The following ZNF254 variants were observed in gnomAD, a reference collection of about 807,000 sequenced individuals.
The protein encoded by ZNF254 is CTD-2017D11.1.
Under a neutral mutation model 12.4 loss-of-function variants are expected in ZNF254, and 10 were observed. That is an observed-to-expected ratio of 0.80 (90% CI 0.50 to 1.36). The LOEUF is 1.36. Ranked by LOEUF, ZNF254 falls within the 40% of genes most tolerant of loss-of-function variation. The pLI, the probability that ZNF254 is intolerant of heterozygous loss-of-function variation, is 0.00. For synonymous variants in ZNF254, 305 were observed against 253.4 expected, an observed-to-expected ratio of 1.20 and a Z score of -1.93; for missense variants, 996 against 763.9, an observed-to-expected ratio of 1.30 and a Z score of -3.58.
intron 2 of ZNF254, among the ~76,000 whole-genome samples, chr19:24,057,312 A>G (rs1970895443): frequency 6.6e-6 from 1 of 152,222 alleles, no homozygotes; most frequent in South Asian, 2.1e-4. Context: ...GTCATATGTG[A>G]ACATCAGGCA....
chr19:24,061,901 T>C (rs1429573389), intron 2 of ZNF254, among the ~76,000 whole-genome samples: 1 of 151,596 alleles, frequency 6.6e-6, no homozygotes, highest in African/African-American at 2.4e-5. Context: ...CTGACCAACA[T>C]GGAAAAACCC....
intron 3 of ZNF254, among the ~76,000 whole-genome samples, chr19:24,124,367 A>G (rs1974688199): frequency 6.6e-6 from 1 of 152,154 alleles, no homozygotes; most frequent in African/African-American, 2.4e-5. Flanking sequence ...AGAATAATTA[A>G]AAATGTTTTC....
intron 2 of ZNF254, among the ~76,000 whole-genome samples, chr19:24,070,318 C>T (rs1243130551): frequency 2.0e-5 from 3 of 152,176 alleles, no homozygotes; most frequent in Admixed American, 6.5e-5. Flanking sequence ...ACACAGGTGA[C>T]ATTGTGATGC....
At position 24,126,980 on chromosome 19, in the gene ZNF254, G is replaced by T. The variant is rs753456700; in HGVS notation, c.980G>T (p.Cys327Phe). ...AAGAAACCCTACAAGTGTGAAGAATGTGGCAAAGCATTTATATGGTCCTCA... is the reference window on the plus strand; with the variant it reads ...AAGAAACCCTACAAGTGTGAAGAATTTGGCAAAGCATTTATATGGTCCTCA... The part of the protein sequence containing the change: ...TRKKPYKCEE[C>F]GKAFIWSSTL... Residue 327 changes from cysteine to phenylalanine, a missense_variant, in exon 4 of 4, where the codon TGT becomes TTT. Physicochemically the swap from Cys to Phe is radical, Grantham distance 205. Transcript: ENST00000357002. The T allele has an allele frequency of 1.2e-6, 2 of 1,613,692 alleles. No individual in the cohort carries two copies. Among genetic ancestry groups the T allele is most frequent in the Non-Finnish European group, 1.7e-6 (2 of 1,179,804 alleles).
At chr19:24,115,128 G>A (rs1973952714) in intron 3 of ZNF254, among the ~76,000 whole-genome samples, 1 of 152,088 alleles carries the variant, frequency 6.6e-6, no homozygotes, top group African/African-American at 2.4e-5. Flanking sequence ...GATTCCTCAG[G>A]GATCTAGAAC....
At chr19:24,125,557 G>A (rs953399196) in intron 3 of ZNF254, among the ~76,000 whole-genome samples, 4 of 151,570 alleles carry the variant, frequency 2.6e-5, no homozygotes, top group Non-Finnish European at 4.4e-5. Context: ...CTTTGTCATG[G>A]CATATTCTGA....
At chr19:24,045,040 T>C (rs1235804976) in intron 1 of ZNF254, among the ~76,000 whole-genome samples, 3 of 152,194 alleles carry the variant, frequency 2.0e-5, no homozygotes, top group Admixed American at 6.5e-5. Flanking sequence ...TTGTCTCTCT[T>C]AGCTGAGAGA....
intron 2 of ZNF254, among the ~76,000 whole-genome samples, chr19:24,072,839 CCT>C (rs957525108): frequency 6.6e-6 from 1 of 152,148 alleles, no homozygotes. Flanking sequence ...CTGTCTGATC[CCT>C]ACCCTGGAAA....
At chr19:24,106,685 C>T (rs747782275) in intron 3 of ZNF254, 42 bp downstream of exon 3, 8 of 1,484,200 alleles carry the variant, frequency 5.4e-6, no homozygotes, top group Non-Finnish European at 7.3e-6. Context: ...GATGAGAGGT[C>T]CAAAGTCAAG....
intron 2 of ZNF254, among the ~76,000 whole-genome samples, chr19:24,058,021 G>T (rs1334524745): frequency 6.6e-6 from 1 of 152,136 alleles, no homozygotes; most frequent in East Asian, 1.9e-4. Flanking sequence ...CACACTGCTG[G>T]ACCCAGCACC....
At chr19:24,044,320 C>T (rs1215055456) in intron 1 of ZNF254, among the ~76,000 whole-genome samples, 3 of 151,722 alleles carry the variant, frequency 2.0e-5, no homozygotes, top group African/African-American at 7.3e-5. Flanking sequence ...GGGTGGATCA[C>T]GAGGTCAGGA....
intron 2 of ZNF254, among the ~76,000 whole-genome samples, chr19:24,062,920 C>T (rs1013883995): frequency 2.6e-5 from 4 of 152,152 alleles, no homozygotes; most frequent in Admixed American, 1.3e-4. Flanking sequence ...CCTGCCTCAG[C>T]CTCCTGAGTA....
chr19:24,117,541 G>A (rs753983698), intron 3 of ZNF254, among the ~76,000 whole-genome samples: 5 of 152,154 alleles, frequency 3.3e-5, no homozygotes, highest in Non-Finnish European at 5.9e-5. Context: ...ATTTAAGCCC[G>A]TCGGAAAAGC....
chr19:24,083,034 G>C (rs745485338), upstream of ZNF254, among the ~76,000 whole-genome samples: 4 of 152,100 alleles, frequency 2.6e-5, no homozygotes, highest in Non-Finnish European at 4.4e-5. Context: ...AATTGTCACT[G>C]TTCACTGATG....
chr19:24,055,606 A>G (rs906433312), intron 2 of ZNF254, among the ~76,000 whole-genome samples: 2 of 152,098 alleles, frequency 1.3e-5, no homozygotes, highest in Non-Finnish European at 2.9e-5. Flanking sequence ...ATGAACACCC[A>G]TCAAAAAGTA....
chr19:24,124,099 A>G (rs574685275), intron 3 of ZNF254, among the ~76,000 whole-genome samples: 3 of 151,914 alleles, frequency 2.0e-5, no homozygotes, highest in South Asian at 2.1e-4. Flanking sequence ...TGATATTTGT[A>G]TTGATAGGCT....
At chr19:24,097,782 AAAAAT>A (rs141594384) in intron 1 of ZNF254, among the ~76,000 whole-genome samples, 17,576 of 143,962 alleles carry the variant, frequency 0.12, 1,579 homozygotes, top group African/African-American at 0.25. Flanking sequence ...ACTCTATCTC[AAAAAT>A]AAAATAAAAT....
chr19:24,119,988 A>G (rs1372906268), intron 3 of ZNF254, among the ~76,000 whole-genome samples: 1 of 151,924 alleles, frequency 6.6e-6, no homozygotes, highest in Non-Finnish European at 1.5e-5. Context: ...CCTCTTGTAT[A>G]TTAGTCTGTT....
In ZNF254 at chr19:24,061,250, CCT is replaced by C. The variant is rs1971054218; in HGVS notation, c.-94+14976_-94+14977del. ...TGTTCATCACCTAACCGATGTGACTCCTCTCTGATCCCTGTCAAAAGGAAAGA... is the reference window on the plus strand; with the variant it reads ...TGTTCATCACCTAACCGATGTGACTCCTCTGATCCCTGTCAAAAGGAAAGA... On this transcript the variant is annotated intron_variant, in intron 2 of 4. Coordinates refer to the ZNF254 transcript ENST00000613065. 3.3e-5 allele frequency among the ~76,000 whole-genome samples: 5 copies of C among 152,288 alleles called. No individual in the cohort carries two copies. In the South Asian group the frequency reaches 8.3e-4, roughly 25 times the overall value.
Sources: gnomAD v4.1 joint callset for allele counts (sites outside exome capture counted in the v4.1 genomes callset) on GRCh38, gnomAD v4.1.1 for gene constraint, MANE v1.5 for transcripts, NCBI Gene and HGNC (gene_info 2026-07-23, HGNC 2026-07-21) for gene names.